Variants in GOLGA1 observed in about 807,000 individuals in gnomAD.
GOLGA1 encodes golgin subfamily A member 1.
A neutral mutation model predicts 119.7 loss-of-function variants in GOLGA1; 63 were observed. The observed-to-expected ratio is 0.53, with a 90% CI of 0.43 to 0.65. The LOEUF (loss-of-function observed/expected upper bound fraction) is 0.65, where lower values mean the gene tolerates loss of function less well. GOLGA1 is among the 30% of genes least tolerant of loss of function. The pLI is 0.00. For synonymous variants in GOLGA1, 318 were observed against 333.4 expected (o/e 0.95, Z 0.50); for missense variants, 798 against 912.8 (o/e 0.87, Z 1.62).
intron 12 of GOLGA1, among the ~76,000 whole-genome samples, chr9:124,905,524 C>T (rs1212646769): frequency 6.6e-6 from 1 of 152,046 alleles, no homozygotes; most frequent in African/African-American, 2.4e-5. Context: ...AATAATGAAA[C>T]TTTAGGCATA....
upstream of GOLGA1, chr9:124,944,466 A>ATTTTTTTTTTTTTTTTTTTTT (rs71374207): frequency 1.2e-5 from 1 of 84,728 alleles, no homozygotes; most frequent in Non-Finnish European, 2.1e-5. Flanking sequence ...TGCCTGGCTA[A>ATTTTTTTTTTTTTTTTTTTTT]TTTTTTTTTT....
chr9:124,881,797 C>G lies in GOLGA1; in HGVS notation c.2123G>C (p.Cys708Ser). Reference sequence around the variant, plus strand: ...AAAGCCCTTTACCTCGGATTCGCGACAAGACATGAATTTTAAAACCACATG... The same window carrying G: ...AAAGCCCTTTACCTCGGATTCGCGAGAAGACATGAATTTTAAAACCACATG... ...LKHVVLKFMSCRESEAFHLIK... is the reference protein window; with the variant it reads ...LKHVVLKFMSSRESEAFHLIK... The change falls in exon 21 of 23, where the codon TGT becomes TCT. Residue 708 changes from cysteine (C) to serine (S), a missense_variant. Coordinates refer to ENST00000373555, the MANE Select transcript of GOLGA1 (RefSeq NM_002077.4). This position sits in a 1 kb window ranked among gnomAD's most constrained non-coding sequence, Gnocchi z 4.9. 1 of 1,610,346 alleles carries G rather than the reference C, an allele frequency of 6.2e-7. No homozygotes were observed. Among genetic ancestry groups the G allele is most frequent in the Non-Finnish European group, 8.5e-7 (1 of 1,178,446 alleles).
chr9:124,884,973 G>A lies in GOLGA1; in HGVS notation c.1906-2404C>T, dbSNP rs576837005. On this transcript the variant is annotated intron_variant, in intron 19 of 22. Coordinates refer to ENST00000373555, the MANE Select transcript of GOLGA1 (RefSeq NM_002077.4). Reference sequence around the variant, plus strand: ...AGCACTTTGGGAGCCAAGGCAGGCGGATCACAAGGTCAGGTGTTCCAGACC... The same window carrying A: ...AGCACTTTGGGAGCCAAGGCAGGCGAATCACAAGGTCAGGTGTTCCAGACC... 4.6e-5 allele frequency among the ~76,000 whole-genome samples: 7 copies of A among 152,140 alleles called. No homozygotes were observed. In the East Asian group the frequency reaches 1.4e-3, roughly 29 times the overall value.
chr9:124,941,060 C>A lies in GOLGA1; in HGVS notation c.-295G>T, dbSNP rs1043532146. The A allele has an allele frequency of 7.9e-5, 12 of 152,270 alleles. No individual in the cohort carries two copies. Among genetic ancestry groups the A allele is most frequent in the African/African-American group, 2.9e-4 (12 of 41,464 alleles). 9.4% of individuals were successfully genotyped at this position (152,270 alleles called of 1,614,324 possible). ...TCACCAACCCCCACCGCCCAGCCGG[C>A]GAGCCGAGCAGCGACCCGGAACCGC... On this transcript the variant is annotated 5_prime_UTR_variant, in exon 1 of 23. Coordinates refer to ENST00000373555, the MANE Select transcript of GOLGA1 (RefSeq NM_002077.4).
chr9:124,940,137 G>A lies in GOLGA1; in HGVS notation c.-187C>T, dbSNP rs963172045. 2 of 152,148 alleles carry A rather than the reference G, an allele frequency of 1.3e-5. No individual in the cohort carries two copies. Among genetic ancestry groups the A allele is most frequent in the East Asian group, 3.9e-4 (2 of 5,190 alleles). 9.4% of individuals were successfully genotyped at this position (152,148 alleles called of 1,614,324 possible). A position where few individuals can be genotyped will look rare whatever the true frequency, so the allele number is the denominator to read the frequency against. Reference sequence around the variant, plus strand: ...TATCTACTAGATTTAAAACAGCTTGGAGGTCAAAGCATTCTGTCCTGCATG... The same window carrying A: ...TATCTACTAGATTTAAAACAGCTTGAAGGTCAAAGCATTCTGTCCTGCATG... On this transcript the variant is annotated 5_prime_UTR_variant, in exon 2 of 23. Coordinates refer to ENST00000373555, the MANE Select transcript of GOLGA1 (RefSeq NM_002077.4).
Position 124,888,373 on chromosome 9 carries a change from G to A in GOLGA1, c.1785C>T (p.Asp595=). 1 of 1,613,876 alleles carries A rather than the reference G, an allele frequency of 6.2e-7. No individual in the cohort carries two copies. The highest frequency in any genetic ancestry group is 8.5e-7 in the Non-Finnish European group (1 of 1,179,756). ...CTGCAGTTGGAAGCTGGAACACAGG[G>A]TCCTGCATGGCCCTCGAGGTCACCT... ...ESHVTSRAMQ[D]PVFQLPTAGR... Residue 595 remains aspartate (D), a synonymous_variant, in exon 19 of 23, where the codon GAC becomes GAT. Transcript: ENST00000373555. This position sits in a 1 kb window ranked among gnomAD's most constrained non-coding sequence, Gnocchi z 4.4.
In GOLGA1 at chr9:124,931,338, C is replaced by T; in HGVS notation, c.204G>A (p.Arg68=). Residue 68 remains arginine, a synonymous_variant, in exon 4 of 23, where the codon CGG becomes CGA. Transcript: ENST00000373555. ...SQLLRRNEQI[R]KLEARLSDYA... is the part of the protein sequence containing the mutation. ...TACCAGAAAGTCTGGCCTCTAACTTCCGTATCTGTTCATTCCTTCTCAGAA... is the reference window on the plus strand; with the variant it reads ...TACCAGAAAGTCTGGCCTCTAACTTTCGTATCTGTTCATTCCTTCTCAGAA... 3 of 1,574,476 alleles carry T rather than the reference C, an allele frequency of 1.9e-6. No individual in the cohort carries two copies. The highest frequency in any genetic ancestry group is 2.6e-6 in the Non-Finnish European group (3 of 1,144,024).
At chr9:124,940,298 C>T (rs1830980190) in intron 1 of GOLGA1, 143 bp from the exon 2 acceptor site, 1 of 152,232 alleles carries the variant, frequency 6.6e-6, no homozygotes, top group Non-Finnish European at 1.5e-5. Context: ...TGTCACAACT[C>T]TCAATGGGAT....
intron 12 of GOLGA1, among the ~76,000 whole-genome samples, chr9:124,902,749 A>C (rs868188505): frequency 6.6e-6 from 1 of 152,262 alleles, no homozygotes; most frequent in Middle Eastern, 3.4e-3. Flanking sequence ...TCAGCCTCCC[A>C]AAGTGCTGGG....
At chr9:124,918,504 C>T (rs1172166438) in intron 10 of GOLGA1, among the ~76,000 whole-genome samples, 4 of 152,272 alleles carry the variant, frequency 2.6e-5, no homozygotes, top group Admixed American at 2.6e-4. Context: ...TGGCCAGGTG[C>T]CTGTAATCCC....
At chr9:124,935,861 AG>A (rs1276374597) in intron 3 of GOLGA1, among the ~76,000 whole-genome samples, 1 of 152,018 alleles carries the variant, frequency 6.6e-6, no homozygotes, top group Non-Finnish European at 1.5e-5. Flanking sequence ...AAATACCTCC[AG>A]GGTTTCTGGC....
intron 15 of GOLGA1, among the ~76,000 whole-genome samples, chr9:124,894,015 G>A (rs1293371681): frequency 2.0e-5 from 3 of 152,144 alleles, no homozygotes; most frequent in Non-Finnish European, 2.9e-5. Context: ...TATTCCCTAC[G>A]ACTCTACGGT....
intron 12 of GOLGA1, among the ~76,000 whole-genome samples, chr9:124,902,331 C>G (rs1324553781): frequency 1.3e-5 from 2 of 151,468 alleles, no homozygotes; most frequent in Non-Finnish European, 2.9e-5. Flanking sequence ...CCAGGATGGT[C>G]TCGATCTCCT....
chr9:124,912,797 C>T (rs1245668410), intron 10 of GOLGA1, among the ~76,000 whole-genome samples: 1 of 152,200 alleles, frequency 6.6e-6, no homozygotes, highest in Non-Finnish European at 1.5e-5. Context: ...TAGCCTCGGC[C>T]TCCCAAAGTG....
chr9:124,938,268 G>A (rs536438274), intron 3 of GOLGA1, among the ~76,000 whole-genome samples: 3 of 151,966 alleles, frequency 2.0e-5, no homozygotes, highest in Non-Finnish European at 4.4e-5. Flanking sequence ...ATGAAAACAG[G>A]CCCAGACATT....
chr9:124,882,425 A>T (rs1829610193), intron 20 of GOLGA1, 85 bp downstream of exon 20: 1 of 932,716 alleles, frequency 1.1e-6, no homozygotes, highest in Admixed American at 2.0e-5. Context: ...GAGCATAGTC[A>T]GGCGGCGAGG....
intron 3 of GOLGA1, among the ~76,000 whole-genome samples, chr9:124,934,941 C>T (rs928087510): frequency 2.0e-4 from 31 of 151,782 alleles, no homozygotes; most frequent in African/African-American, 6.5e-4. Context: ...CAACTACTCA[C>T]GAGGCTGAAA....
chr9:124,890,195 GTTTC>G (rs1251894022), intron 16 of GOLGA1, among the ~76,000 whole-genome samples, 190 bp downstream of exon 16: 1 of 152,154 alleles, frequency 6.6e-6, no homozygotes, highest in African/African-American at 2.4e-5. Flanking sequence ...TGGGGTAAGA[GTTTC>G]TTTATAACAT....
chr9:124,890,699 C>T (rs968317289), intron 15 of GOLGA1, among the ~76,000 whole-genome samples: 1 of 152,130 alleles, frequency 6.6e-6, no homozygotes, highest in African/African-American at 2.4e-5. Flanking sequence ...AATGGCACAC[C>T]ACTGAGGATC....
Sources: allele counts gnomAD v4.1 joint callset (sites outside exome capture counted in the v4.1 genomes callset), GRCh38; gene constraint gnomAD v4.1.1; non-coding constraint Gnocchi (gnomAD v3.1); transcripts MANE v1.5; gene names NCBI Gene and HGNC (gene_info 2026-07-23, HGNC 2026-07-21).